Variants in LRRC75A observed in about 807,000 individuals in gnomAD.
The protein encoded by LRRC75A is leucine-rich repeat-containing protein 75A.
A neutral mutation model predicts 26.0 loss-of-function variants in LRRC75A; 12 were observed. The ratio of observed to expected loss-of-function variants is 0.46; its 90% CI spans 0.30 to 0.75. The LOEUF is 0.75. Among genes scored for constraint, LRRC75A ranks in the 30% least tolerant of loss-of-function variants. The pLI is 0.08. For missense variants in LRRC75A, 410 were observed against 486.6 expected, an observed-to-expected ratio of 0.84 and a Z score of 1.48; for synonymous variants, 223 against 219.3, an observed-to-expected ratio of 1.02 and a Z score of -0.15.
chr17:16,464,510 T>C (rs1188768489), intron 1 of LRRC75A, among the ~76,000 whole-genome samples: 2 of 152,160 alleles, frequency 1.3e-5, no homozygotes, highest in Non-Finnish European at 2.9e-5. Flanking sequence ...CAAGACCAAG[T>C]GTTACATGTA....
intron 1 of LRRC75A, among the ~76,000 whole-genome samples, chr17:16,488,147 A>C (rs1464708730): frequency 1.3e-5 from 2 of 152,160 alleles, no homozygotes; most frequent in Non-Finnish European, 2.9e-5. Flanking sequence ...TCAATGGCGG[A>C]AGGTTATTTC....
intron 2 of LRRC75A, among the ~76,000 whole-genome samples, chr17:16,449,765 C>T (rs1404487538): frequency 1.4e-4 from 21 of 152,122 alleles, no homozygotes; most frequent in Admixed American, 1.0e-3. Context: ...TACAGGCACC[C>T]GCCATCACAC....
intron 2 of LRRC75A, among the ~76,000 whole-genome samples, chr17:16,453,615 T>C (rs1165654661): frequency 2.0e-5 from 3 of 152,094 alleles, no homozygotes; most frequent in African/African-American, 7.2e-5. Flanking sequence ...TGACAACAGC[T>C]AACATGTATT....
At chr17:16,467,819 G>T (rs2093781049) in intron 1 of LRRC75A, among the ~76,000 whole-genome samples, 2 of 152,130 alleles carry the variant, frequency 1.3e-5, no homozygotes, top group African/African-American at 4.8e-5. Flanking sequence ...CATATAGGAG[G>T]CCTCTGAAGC....
At position 16,443,463 on chromosome 17, in the gene LRRC75A, G is replaced by C. The variant is rs1388917188; in HGVS notation, c.*125C>G. The C allele has an allele frequency of 7.3e-6, 6 of 823,078 alleles. No homozygotes were observed. In the South Asian group the frequency reaches 1.0e-4, roughly 14 times the overall value. The allele number at this position is 823,078 out of a possible 1,614,324, so 51.0% of individuals were successfully genotyped here. On this transcript the variant is annotated 3_prime_UTR_variant, in exon 4 of 4. Coordinates refer to ENST00000470794, the MANE Select transcript of LRRC75A (RefSeq NM_001113567.3). ...AGATGATATGGTTTGCCTTTCTGTA[G>C]GTGGGTGGCCCAGGCCAATTTTTGG...
At chr17:16,452,593 A>G (rs1408356934) in intron 2 of LRRC75A, among the ~76,000 whole-genome samples, 1 of 151,354 alleles carries the variant, frequency 6.6e-6, no homozygotes, top group East Asian at 1.9e-4. Context: ...CTGCCACCAC[A>G]CCCCGCTAAT....
chr17:16,460,686 T>A (rs1195925865), intron 2 of LRRC75A, among the ~76,000 whole-genome samples: 1 of 152,246 alleles, frequency 6.6e-6, no homozygotes, highest in East Asian at 1.9e-4. Flanking sequence ...CTTGCTCAGA[T>A]CACTTGATTA....
rs2093546722 is a variant in LRRC75A, at chr17:16,443,040, A to T, written c.*548T>A. The stretch of plus-strand genomic sequence containing the variant: ...TCAGAAATAGGGCTGGGTCTCCATA[A>T]GGAGGTAGGCCACGTTCAGTCCACC... On this transcript the variant is annotated 3_prime_UTR_variant, in exon 4 of 4. Coordinates refer to ENST00000470794, the MANE Select transcript of LRRC75A (RefSeq NM_001113567.3). 6.5e-6 allele frequency: 1 copy of T among 153,138 alleles called. No homozygotes were observed. The highest frequency in any genetic ancestry group is 1.5e-5 in the Non-Finnish European group (1 of 68,732). The allele number at this position is 153,138 out of a possible 1,614,324, so 9.5% of individuals were successfully genotyped here.
intron 1 of LRRC75A, among the ~76,000 whole-genome samples, chr17:16,476,943 T>C (rs992866950): frequency 3.3e-5 from 5 of 151,630 alleles, no homozygotes; most frequent in Non-Finnish European, 5.9e-5. Context: ...TTTCACCGTG[T>C]TAGCCAGGAT....
chr17:16,489,334 C>T (rs770316779), intron 1 of LRRC75A, among the ~76,000 whole-genome samples: 1 of 152,162 alleles, frequency 6.6e-6, no homozygotes, highest in Admixed American at 6.5e-5. Flanking sequence ...TGACTCCCAC[C>T]CCAGAGGCCT....
chr17:16,490,802 G>A (rs1434691424), intron 1 of LRRC75A, among the ~76,000 whole-genome samples: 1 of 152,132 alleles, frequency 6.6e-6, no homozygotes, highest in African/African-American at 2.4e-5. Flanking sequence ...CAAGAATATG[G>A]GGCCTGGATT....
At chr17:16,484,171 A>T (rs947966686) in intron 1 of LRRC75A, among the ~76,000 whole-genome samples, 3 of 152,090 alleles carry the variant, frequency 2.0e-5, no homozygotes, top group Non-Finnish European at 4.4e-5. Context: ...CCCCGTCTCT[A>T]CTAAAAATAC....
chr17:16,455,954 T>C (rs1290193272), intron 2 of LRRC75A, among the ~76,000 whole-genome samples: 2 of 151,964 alleles, frequency 1.3e-5, no homozygotes, highest in African/African-American at 4.8e-5. Context: ...TCTTCCACTT[T>C]TCAAAGAACC....
At chr17:16,479,720 C>A (rs528734085) in intron 1 of LRRC75A, among the ~76,000 whole-genome samples, 1 of 152,352 alleles carries the variant, frequency 6.6e-6, no homozygotes, top group South Asian at 2.1e-4. Context: ...ATGGAGGCAG[C>A]GAGCTCATGA....
chr17:16,447,756 C>G, intron 3 of LRRC75A, 89 bp downstream of exon 3: 1 of 1,011,358 alleles, frequency 9.9e-7, no homozygotes, highest in East Asian at 2.7e-5. Flanking sequence ...CCCCATGACT[C>G]CGCCCTTCCC....
At chr17:16,446,978 C>CT in intron 3 of LRRC75A, 4 of 363,186 alleles carry the variant, frequency 1.1e-5, no homozygotes, top group Non-Finnish European at 2.2e-5. Flanking sequence ...CACCAGAGTT[C>CT]TTTCTTCTCC....
chr17:16,455,310 C>CTG (rs1399491493), intron 2 of LRRC75A, among the ~76,000 whole-genome samples: 1 of 152,092 alleles, frequency 6.6e-6, no homozygotes, highest in Non-Finnish European at 1.5e-5. Flanking sequence ...TTTTGTTACC[C>CTG]TGTGTCTGGT....
intron 1 of LRRC75A, chr17:16,470,515 C>A (rs1313864530): frequency 6.6e-6 from 1 of 152,248 alleles, no homozygotes; most frequent in African/African-American, 2.4e-5. Context: ...AGGCTGCTCC[C>A]CCTCCTGGCT....
At position 16,491,709 on chromosome 17, in the gene LRRC75A, C is replaced by A. The variant is rs1485017763; in HGVS notation, c.246+36G>T. 7.8e-6 allele frequency: 10 copies of A among 1,286,516 alleles called. No individual in the cohort carries two copies. In the Admixed American group the frequency reaches 1.7e-4, roughly 22 times the overall value. The allele number at this position is 1,286,516 out of a possible 1,614,324, so 79.7% of individuals were successfully genotyped here. The stretch of plus-strand genomic sequence containing the variant: ...CCCCCCGGCCCAGCACGCCCCCTGG[C>A]CCGGCGCGCCCCCCGCGCCCCCTCC... On this transcript the variant is annotated intron_variant, in intron 1 of 3. Transcript: ENST00000470794. The surrounding 1 kb of genome is among the most constrained non-coding windows in gnomAD (Gnocchi z 5.9).
Sources: gnomAD v4.1 joint callset for allele counts (sites outside exome capture counted in the v4.1 genomes callset) on GRCh38, gnomAD v4.1.1 for gene constraint, Gnocchi (gnomAD v3.1) non-coding constraint, MANE v1.5 for transcripts, NCBI Gene and HGNC (gene_info 2026-07-23, HGNC 2026-07-21) for gene names.